Variants in FRY observed in about 807,000 individuals in gnomAD.
FRY encodes the protein FRY microtubule binding protein.
In FRY, 128 loss-of-function variants were observed where a neutral mutation model predicts 348.4. That is an observed-to-expected ratio of 0.37 (90% CI 0.32 to 0.43). The LOEUF is 0.43. Ranked by LOEUF, FRY falls within the 20% of genes least tolerant of loss-of-function variation. FRY has a pLI of 1.00. For missense variants in FRY, 2,736 were observed against 3,695.2 expected (o/e 0.74, Z 6.73); for synonymous variants, 1,370 against 1,374.7 (o/e 1.00, Z 0.08).
intron 58 of FRY, among the ~76,000 whole-genome samples, chr13:32,282,782 C>A (rs975071013): frequency 4.6e-5 from 7 of 152,152 alleles, no homozygotes; most frequent in Non-Finnish European, 1.0e-4. Context: ...GAACTATAAC[C>A]AATTCACAGA....
chr13:32,093,640 T>C (rs1876486453), intron 2 of FRY, among the ~76,000 whole-genome samples: 1 of 152,188 alleles, frequency 6.6e-6, no homozygotes, highest in Admixed American at 6.5e-5. Context: ...GGACGTAATG[T>C]CTGGGTTTCA....
At chr13:32,249,332 G>C (rs1886956977) in intron 48 of FRY, among the ~76,000 whole-genome samples, 194 bp from the exon 49 acceptor site, 1 of 151,680 alleles carries the variant, frequency 6.6e-6, no homozygotes, top group East Asian at 2.0e-4. Flanking sequence ...CTAAAGAGGG[G>C]AGGAAATGTT....
At chr13:32,252,150 T>C (rs1276763530) in intron 50 of FRY, among the ~76,000 whole-genome samples, 198 bp downstream of exon 50, 1 of 152,238 alleles carries the variant, frequency 6.6e-6, no homozygotes, top group Admixed American at 6.5e-5. Flanking sequence ...CAATGAAAGA[T>C]CTTGCTGGCT....
chr13:32,187,461 G>T, intron 27 of FRY, 85 bp from the exon 28 acceptor site: 2 of 810,094 alleles, frequency 2.5e-6, no homozygotes, highest in South Asian at 2.8e-5. Context: ...TTATAATTCT[G>T]ACAATTATGG....
intron 1 of FRY, among the ~76,000 whole-genome samples, chr13:32,045,565 A>G (rs1378291956): frequency 6.6e-6 from 1 of 152,228 alleles, no homozygotes; most frequent in African/African-American, 2.4e-5. Context: ...ACACTGAATA[A>G]TTAAAATTTC....
In FRY at chr13:32,295,259, A is replaced by G; in HGVS notation, c.8841A>G (p.Leu2947=). ...GTTCTGATGATGAGGTCCAGACACT[A>G]CTGAATATTTATTTCCGTCACCAAA... is the stretch of plus-strand genomic sequence containing the variant. ...GSSSDDEVQT[L]LNIYFRHQTL... The change falls in exon 61 of 61, where the codon CTA becomes CTG. Residue 2947 remains leucine (L), a synonymous_variant. Transcript: ENST00000542859. The G allele has an allele frequency of 6.2e-7, 1 of 1,613,570 alleles. No individual in the cohort carries two copies. The highest frequency in any genetic ancestry group is 8.5e-7 in the Non-Finnish European group (1 of 1,179,526).
chr13:32,090,589 A>G lies in FRY; in HGVS notation c.271-11374A>G, dbSNP rs554302940. 6.6e-5 allele frequency among the ~76,000 whole-genome samples: 10 copies of G among 152,256 alleles called. No individual in the cohort carries two copies. In the East Asian group the frequency reaches 1.2e-3, roughly 18 times the overall value. On this transcript the variant is annotated intron_variant, in intron 2 of 60. Transcript: ENST00000542859. ...ACTGAAAGTCTACTGAGTGAACATA[A>G]CATGCACAGTTAGAGGGGTATATTG...
intron 2 of FRY, among the ~76,000 whole-genome samples, chr13:32,090,903 CAGATTATCTCAAG>C (rs2138585348): frequency 6.6e-6 from 1 of 151,930 alleles, no homozygotes; most frequent in African/African-American, 2.4e-5. Context: ...GCAAATAGGA[CAGATTATCTCAAG>C]AGATTTTGCT....
chr13:32,215,779 AGGCT>A lies in FRY; in HGVS notation c.4683-2967_4683-2964del, dbSNP rs1884957392. Among the ~76,000 whole-genome samples, 7 of 152,288 alleles carry A rather than the reference AGGCT, an allele frequency of 4.6e-5. No individual in the cohort carries two copies. In the South Asian group the frequency reaches 1.5e-3, roughly 32 times the overall value. On this transcript the variant is annotated intron_variant, in intron 35 of 60. Transcript: ENST00000542859. ...GAGACGGAGTTTCACTATGTTGCCC[AGGCT>A]GGTCTCAAACTCCTGGGCTCAACTG...
At chr13:32,054,920 C>G (rs977912229) in intron 1 of FRY, among the ~76,000 whole-genome samples, 2 of 152,042 alleles carry the variant, frequency 1.3e-5, no homozygotes, top group South Asian at 2.1e-4. Flanking sequence ...GATAAGAAAC[C>G]AATGAAGCAC....
At chr13:32,126,574 A>G (rs1306720199) in intron 7 of FRY, among the ~76,000 whole-genome samples, 1 of 152,242 alleles carries the variant, frequency 6.6e-6, no homozygotes. Context: ...GTGCTCCAGT[A>G]CTTTCCAGTC....
chr13:32,185,349 A>G (rs1002073741), intron 26 of FRY, among the ~76,000 whole-genome samples: 5 of 152,242 alleles, frequency 3.3e-5, no homozygotes. Flanking sequence ...AATGATAAGT[A>G]TTAAATTTGG....
At chr13:32,107,754 G>T (rs533905783) in intron 3 of FRY, among the ~76,000 whole-genome samples, 9 of 152,130 alleles carry the variant, frequency 5.9e-5, no homozygotes, top group Admixed American at 1.3e-4. Flanking sequence ...AGCAAACTTC[G>T]CCCTGCCCTG....
intron 7 of FRY, among the ~76,000 whole-genome samples, chr13:32,128,771 T>A (rs1179220933): frequency 6.6e-6 from 1 of 152,144 alleles, no homozygotes; most frequent in Non-Finnish European, 1.5e-5. Flanking sequence ...TTTCTTGTTA[T>A]TGTTATTCTG....
intron 3 of FRY, among the ~76,000 whole-genome samples, chr13:32,102,367 T>G (rs455676): frequency 0.46 from 69,422 of 152,044 alleles, 16,346 homozygotes; most frequent in South Asian, 0.64. Flanking sequence ...AATGATACTA[T>G]GTGATGATCA....
chr13:32,288,061 C>T (rs1355567290), intron 58 of FRY, among the ~76,000 whole-genome samples: 3 of 152,108 alleles, frequency 2.0e-5, no homozygotes, highest in Admixed American at 6.5e-5. Flanking sequence ...GCTTTCGCCC[C>T]AAAGTAGAAA....
chr13:32,236,086 A>G lies in FRY; in HGVS notation c.5724A>G (p.Val1908=), dbSNP rs1182171739. ...CTTTGCATGTTTGGCAGGGTTATGT[A>G]ATGGAAGCGCTCCTAACCTTGGAGG... ...GEHGDEIQGY[V]MEALLTLEAA... Residue 1908 remains valine (V), a synonymous_variant, in exon 43 of 61, where the codon GTA becomes GTG. Coordinates refer to ENST00000542859, the MANE Select transcript of FRY (RefSeq NM_023037.3). 15 of 1,611,894 alleles carry G rather than the reference A, an allele frequency of 9.3e-6. No individual in the cohort carries two copies. The East Asian group carries it at 3.1e-4, about 34-fold the overall frequency.
Position 32,294,540 on chromosome 13 carries a change from G to T in FRY, c.8753G>T (p.Gly2918Val). The T allele has an allele frequency of 6.2e-7, 1 of 1,614,100 alleles. No homozygotes were observed. The change falls in exon 60 of 61, where the codon GGC becomes GTC. Residue 2918 changes from glycine (G) to valine (V), a missense_variant. Coordinates refer to ENST00000542859, the MANE Select transcript of FRY (RefSeq NM_023037.3). ...MLECLKNNELGKALRQIRECR... is the reference protein window; with the variant it reads ...MLECLKNNELVKALRQIRECR... ...GAGTGCCTGAAGAACAACGAACTCG[G>T]CAAAGCTTTGCGGCAGATCAGGGAG... is the stretch of plus-strand genomic sequence containing the variant.
chr13:32,245,577 G>A (rs1886753099), intron 47 of FRY, among the ~76,000 whole-genome samples: 1 of 152,136 alleles, frequency 6.6e-6, no homozygotes, highest in Admixed American at 6.5e-5. Flanking sequence ...TCACACCACT[G>A]CACTCCAACC....
Sources: gnomAD v4.1 joint callset for allele counts (sites outside exome capture counted in the v4.1 genomes callset) on GRCh38, gnomAD v4.1.1 for gene constraint, MANE v1.5 for transcripts, NCBI Gene and HGNC (gene_info 2026-07-23, HGNC 2026-07-21) for gene names.